DENND5B: variants seen among roughly 807,000 people sequenced by gnomAD.
DENND5B encodes the protein DENN domain containing 5B.
A neutral mutation model predicts 140.6 loss-of-function variants in DENND5B; 34 were observed. That is an observed-to-expected ratio of 0.24 (90% confidence interval 0.18 to 0.32). DENND5B has a LOEUF of 0.32. Among genes scored for constraint, DENND5B ranks in the 10% least tolerant of loss-of-function variants. The pLI is 1.00. For synonymous variants in DENND5B, 551 were observed against 562.1 expected (o/e 0.98, Z 0.28); for missense variants, 1,142 against 1,560.2 (o/e 0.73, Z 4.52).
In DENND5B at chr12:31,442,943, A is replaced by C; in HGVS notation, c.1862-18T>G. On this transcript the variant is annotated intron_variant, in intron 6 of 20. Coordinates refer to ENST00000389082, the MANE Select transcript of DENND5B (RefSeq NM_144973.4). ...TGATTGGGCTATAAATTAAATTTAT[A>C]ATAAATTAGAGACATTTCATTGCTA... 1 of 1,545,308 alleles carries C rather than the reference A, an allele frequency of 6.5e-7. No homozygotes were observed. Among genetic ancestry groups the C allele is most frequent in the Non-Finnish European group, 8.7e-7 (1 of 1,144,206 alleles).
At chr12:31,414,846 C>G (rs966431944) in intron 12 of DENND5B, among the ~76,000 whole-genome samples, 1 of 149,066 alleles carries the variant, frequency 6.7e-6, no homozygotes, top group Admixed American at 6.7e-5. Flanking sequence ...TGCTTGAACC[C>G]GGGAGACAGA....
At chr12:31,510,252 T>C (rs952468503) in intron 1 of DENND5B, among the ~76,000 whole-genome samples, 3 of 152,282 alleles carry the variant, frequency 2.0e-5, no homozygotes, top group African/African-American at 7.2e-5. Context: ...AGTCTGACAA[T>C]ACTGAAACCA....
intron 7 of DENND5B, among the ~76,000 whole-genome samples, chr12:31,437,329 T>C (rs1593163833): frequency 6.6e-6 from 1 of 151,944 alleles, no homozygotes; most frequent in Non-Finnish European, 1.5e-5. Flanking sequence ...AGAGACGGGG[T>C]TTCACTGTGT....
At chr12:31,561,567 T>C (rs1414194110) in intron 1 of DENND5B, among the ~76,000 whole-genome samples, 3 of 152,208 alleles carry the variant, frequency 2.0e-5, no homozygotes, top group African/African-American at 7.2e-5. Context: ...AAAATATATA[T>C]ATACATATTT....
intron 8 of DENND5B, among the ~76,000 whole-genome samples, chr12:31,430,406 C>A (rs1174968712): frequency 6.8e-6 from 1 of 147,580 alleles, no homozygotes; most frequent in East Asian, 2.0e-4. Context: ...GTAATCCCAG[C>A]ACTTTGGGAG....
Position 31,447,666 on chromosome 12 carries a change from T to C in DENND5B, c.1733A>G (p.Gln578Arg), listed in dbSNP as rs1944330514. The C allele has an allele frequency of 6.2e-7, 1 of 1,613,672 alleles. No homozygotes were observed. The highest frequency in any genetic ancestry group is 8.5e-7 in the Non-Finnish European group (1 of 1,179,764). Residue 578 changes from glutamine (Q) to arginine (R), a missense_variant, in exon 6 of 21, where the codon CAG (glutamine) becomes CGG (arginine). By Grantham distance (43) the Gln-to-Arg change is conservative. This residue lies in a region of DENND5B where 708 missense variants were observed against 905.5 expected (regional missense o/e 0.78). Coordinates refer to ENST00000389082, the MANE Select transcript of DENND5B (RefSeq NM_144973.4). Reference sequence around the variant, plus strand: ...AAGCAAAGGATCTTTCTCTTCCCACTGAGACATAATTTTATTATCAATAAA... The same window carrying C: ...AAGCAAAGGATCTTTCTCTTCCCACCGAGACATAATTTTATTATCAATAAA... ...ATFIDNKIMS[Q>R]WEEKDPLLRV... is the part of the protein sequence containing the mutation.
At position 31,451,927 on chromosome 12, in the gene DENND5B, T is replaced by G; in HGVS notation, c.1629+13A>C. ...ACTAATAACCACAAAAGGAAAACTA[T>G]GGTTCTTTTTACTTTGTCAAAGTTC... On this transcript the variant is annotated intron_variant, in intron 5 of 20. Coordinates refer to ENST00000389082, the MANE Select transcript of DENND5B (RefSeq NM_144973.4). 1.2e-6 allele frequency: 2 copies of G among 1,612,610 alleles called. No individual in the cohort carries two copies. Among genetic ancestry groups the G allele is most frequent in the Non-Finnish European group, 1.7e-6 (2 of 1,179,528 alleles).
chr12:31,394,534 T>A (rs931561023), intron 17 of DENND5B, among the ~76,000 whole-genome samples: 2 of 152,156 alleles, frequency 1.3e-5, no homozygotes, highest in African/African-American at 4.8e-5. Flanking sequence ...TTGATGAGCT[T>A]TGACAAATGG....
intron 8 of DENND5B, among the ~76,000 whole-genome samples, chr12:31,431,162 C>A (rs1943491532): frequency 2.0e-5 from 3 of 152,126 alleles, no homozygotes; most frequent in Non-Finnish European, 4.4e-5. Flanking sequence ...ATGAAACAAA[C>A]CACTAGGAAC....
At chr12:31,545,888 T>C (rs1303905222) in intron 1 of DENND5B, among the ~76,000 whole-genome samples, 4 of 133,432 alleles carry the variant, frequency 3.0e-5, no homozygotes, top group African/African-American at 8.9e-5. Flanking sequence ...GAGATAGAGG[T>C]TGCAGTGAGT....
chr12:31,449,047 G>A (rs1944397763), intron 5 of DENND5B, among the ~76,000 whole-genome samples: 1 of 152,034 alleles, frequency 6.6e-6, no homozygotes, highest in Non-Finnish European at 1.5e-5. Context: ...GTGTGTACAG[G>A]GATTCTACAT....
At chr12:31,407,825 T>C (rs1296836827) in intron 14 of DENND5B, among the ~76,000 whole-genome samples, 2 of 152,214 alleles carry the variant, frequency 1.3e-5, no homozygotes, top group Admixed American at 1.3e-4. Flanking sequence ...ACCTTTATTA[T>C]GTAAGTGAAA....
chr12:31,432,301 C>T (rs1943543882), intron 8 of DENND5B: 1 of 165,326 alleles, frequency 6.0e-6, no homozygotes. Flanking sequence ...AAAAAAAGCA[C>T]TACACAGGTG....
intron 1 of DENND5B, among the ~76,000 whole-genome samples, chr12:31,515,908 G>A (rs1947620057): frequency 6.6e-6 from 1 of 152,074 alleles, no homozygotes; most frequent in South Asian, 2.1e-4. Flanking sequence ...TTCTTGAAAA[G>A]GCAAAAATTC....
intron 1 of DENND5B, among the ~76,000 whole-genome samples, chr12:31,537,783 A>T (rs1416799917): frequency 1.3e-5 from 2 of 152,168 alleles, no homozygotes; most frequent in African/African-American, 4.8e-5. Flanking sequence ...AAATAAAAGG[A>T]TGGAAAAACA....
At chr12:31,476,597 C>T (rs1036773065) in intron 3 of DENND5B, among the ~76,000 whole-genome samples, 2 of 151,932 alleles carry the variant, frequency 1.3e-5, no homozygotes, top group Non-Finnish European at 2.9e-5. Context: ...GACATTTGAA[C>T]CCAGGATTGT....
chr12:31,405,847 CTATT>C (rs1942102106), intron 14 of DENND5B, among the ~76,000 whole-genome samples: 1 of 148,618 alleles, frequency 6.7e-6, no homozygotes, highest in Non-Finnish European at 1.5e-5. Flanking sequence ...CACCTGGCCA[CTATT>C]TATTTATTTT....
intron 1 of DENND5B, among the ~76,000 whole-genome samples, chr12:31,547,589 G>C (rs777003676): frequency 5.9e-5 from 9 of 151,872 alleles, no homozygotes; most frequent in African/African-American, 1.5e-4. Context: ...GTAGAGATGG[G>C]GTTTCATCAT....
chr12:31,430,832 C>G (rs1943478428), intron 8 of DENND5B, among the ~76,000 whole-genome samples: 1 of 152,154 alleles, frequency 6.6e-6, no homozygotes, highest in South Asian at 2.1e-4. Context: ...TGTGCAAAGT[C>G]TCCTTCTGGG....
Sources: allele counts gnomAD v4.1 joint callset (sites outside exome capture counted in the v4.1 genomes callset), GRCh38; gene constraint gnomAD v4.1.1; regional missense constraint gnomAD v4.1.1; transcripts MANE v1.5; gene names NCBI Gene and HGNC (gene_info 2026-07-23, HGNC 2026-07-21).